ADGRF1: variants seen among roughly 807,000 people sequenced by gnomAD.
The protein encoded by ADGRF1 is G protein-coupled receptor 110.
A neutral mutation model predicts 87.2 loss-of-function variants in ADGRF1; 85 were observed. The observed-to-expected ratio is 0.97, with a 90% CI of 0.82 to 1.17. ADGRF1 has a LOEUF of 1.17. ADGRF1 is among the 50% of genes most tolerant of loss of function. The probability of loss-of-function intolerance (pLI) is 0.00; values close to 1 mark genes in which losing one functional copy is unlikely to be tolerated. For missense variants in ADGRF1, 1,169 were observed against 1,077.2 expected, an observed-to-expected ratio of 1.09 and a Z score of -1.19; for synonymous variants, 430 against 408.8, an observed-to-expected ratio of 1.05 and a Z score of -0.63.
intron 12 of ADGRF1, 138 bp from the exon 13 acceptor site, chr6:47,006,014 G>A (rs747705727): frequency 3.8e-6 from 2 of 530,230 alleles, no homozygotes; most frequent in South Asian, 2.9e-5. Context: ...ATGGATATCT[G>A]GTAGAAAGAT....
chr6:47,038,558 A>T (rs1780656369), intron 1 of ADGRF1, among the ~76,000 whole-genome samples: 1 of 152,194 alleles, frequency 6.6e-6, no homozygotes, highest in African/African-American at 2.4e-5. Flanking sequence ...TAGCATATCC[A>T]TCATCTCAAA....
chr6:47,029,946 T>C (rs1780360156), intron 1 of ADGRF1, among the ~76,000 whole-genome samples: 1 of 152,236 alleles, frequency 6.6e-6, no homozygotes, highest in Non-Finnish European at 1.5e-5. Context: ...TACCTTCTTC[T>C]GGCCTCTCAA....
chr6:47,029,095 T>C lies in ADGRF1; in HGVS notation c.-34A>G. ...GACTGAACAGCAGCAGTCGGGTGCATAGTCTGTGACTAAACAAGCAGGGTA... is the reference window on the plus strand; with the variant it reads ...GACTGAACAGCAGCAGTCGGGTGCACAGTCTGTGACTAAACAAGCAGGGTA... On this transcript the variant is annotated 5_prime_UTR_variant, in exon 2 of 15. It removes an upstream start codon present in the reference 5' UTR. Transcript: ENST00000371253. 1 of 1,574,376 alleles carries C rather than the reference T, an allele frequency of 6.4e-7. No individual in the cohort carries two copies. Among genetic ancestry groups the C allele is most frequent in the Non-Finnish European group, 8.7e-7 (1 of 1,143,738 alleles).
chr6:47,014,464 C>T, intron 9 of ADGRF1: 1 of 1,283,386 alleles, frequency 7.8e-7, no homozygotes, highest in Non-Finnish European at 9.9e-7. Flanking sequence ...AAACTATCAA[C>T]TCTGTCTTTT....
chr6:47,035,756 T>G (rs1315111918), intron 1 of ADGRF1, among the ~76,000 whole-genome samples: 1 of 152,212 alleles, frequency 6.6e-6, no homozygotes, highest in Admixed American at 6.5e-5. Context: ...TACAAACAAT[T>G]CTTTTCTCAG....
intron 4 of ADGRF1, among the ~76,000 whole-genome samples, chr6:47,025,373 G>A (rs1780198244): frequency 6.6e-6 from 1 of 152,174 alleles, no homozygotes; most frequent in African/African-American, 2.4e-5. Context: ...CATGCTTTAA[G>A]AATCACTGCT....
At chr6:47,032,014 G>A (rs1227324293) in intron 1 of ADGRF1, among the ~76,000 whole-genome samples, 4 of 152,118 alleles carry the variant, frequency 2.6e-5, no homozygotes, top group African/African-American at 7.2e-5. Context: ...GGCAGCCCAT[G>A]TGTATTATTA....
Position 47,009,887 on chromosome 6 carries a change from A to C in ADGRF1, c.1548T>G (p.Asn516Lys). 1 of 1,614,088 alleles carries C rather than the reference A, an allele frequency of 6.2e-7. No homozygotes were observed. Among genetic ancestry groups the C allele is most frequent in the South Asian group, 1.1e-5 (1 of 91,090 alleles). Residue 516 changes from asparagine to lysine, a missense_variant, in exon 11 of 15, where the codon AAT becomes AAG. Coordinates refer to ENST00000371253, the MANE Select transcript of ADGRF1 (RefSeq NM_153840.4). Reference protein sequence around the residue: ...ISTVIQNYSINEVFLFFSKIE... With the variant: ...ISTVIQNYSIKEVFLFFSKIE... ...TCTTGGAAAAAAATAGGAAAACTTCATTTATGGAATAGTTTTGAATAACCG... is the reference window on the plus strand; with the variant it reads ...TCTTGGAAAAAAATAGGAAAACTTCCTTTATGGAATAGTTTTGAATAACCG...
At chr6:47,027,311 G>A (rs3734653) in intron 3 of ADGRF1, among the ~76,000 whole-genome samples, 6,862 of 152,242 alleles carry the variant, frequency 0.045, 352 homozygotes, top group East Asian at 0.2. Context: ...AGACTGACCC[G>A]GGAACCTAAC....
intron 1 of ADGRF1, among the ~76,000 whole-genome samples, chr6:47,033,831 CAG>C (rs1367716742): frequency 6.6e-6 from 1 of 152,180 alleles, no homozygotes; most frequent in African/African-American, 2.4e-5. Flanking sequence ...TGAACAGAGA[CAG>C]AGGAGAAGAC....
intron 1 of ADGRF1, among the ~76,000 whole-genome samples, chr6:47,030,574 ATATG>A (rs1356835614): frequency 1.0e-5 from 1 of 99,330 alleles, no homozygotes; most frequent in African/African-American, 4.0e-5. Context: ...GATAACATGA[ATATG>A]TGTGTGTGTG....
Position 46,997,927 on chromosome 6 carries a change from C to T in ADGRF1, c.*2295G>A, listed in dbSNP as rs1056301322. 1 of 152,110 alleles carries T rather than the reference C, an allele frequency of 6.6e-6. No individual in the cohort carries two copies. The highest frequency in any genetic ancestry group is 1.5e-5 in the Non-Finnish European group (1 of 68,020). 9.4% of individuals were successfully genotyped at this position (152,110 alleles called of 1,614,324 possible). The stretch of plus-strand genomic sequence containing the variant: ...ACTCAGGTAAGAGCAACATTTTGGT[C>T]ATTTTAAATAGTTTGGTAATTATGA... On this transcript the variant is annotated 3_prime_UTR_variant, in exon 15 of 15. Transcript: ENST00000371253.
At chr6:47,041,448 A>G (rs1195077910) in intron 1 of ADGRF1, among the ~76,000 whole-genome samples, 1 of 152,172 alleles carries the variant, frequency 6.6e-6, no homozygotes, top group Non-Finnish European at 1.5e-5. Context: ...TTCTTTCTAT[A>G]TCTCCTTCGG....
chr6:47,005,541 G>A (rs1354324722), intron 13 of ADGRF1, among the ~76,000 whole-genome samples: 1 of 152,140 alleles, frequency 6.6e-6, no homozygotes, highest in Non-Finnish European at 1.5e-5. Context: ...AAATGCCATT[G>A]TTCAAAAGTA....
chr6:47,001,121 C>T (rs1211540114), intron 14 of ADGRF1, among the ~76,000 whole-genome samples: 1 of 152,232 alleles, frequency 6.6e-6, no homozygotes, highest in East Asian at 1.9e-4. Context: ...AGCACCTGGC[C>T]GCGTGCCCAC....
intron 14 of ADGRF1, 102 bp downstream of exon 14, chr6:47,001,399 C>T: frequency 1.1e-6 from 1 of 933,540 alleles, no homozygotes; most frequent in Admixed American, 2.4e-5. Context: ...TCCCACACTT[C>T]TCACATGAGT....
In ADGRF1 at chr6:47,009,032, C is replaced by T. The variant is rs1779611287; in HGVS notation, c.2403G>A (p.Gly801=). The change falls in exon 11 of 15, where the codon GGG becomes GGA. Residue 801 remains glycine (G), a synonymous_variant. Coordinates refer to ENST00000371253, the MANE Select transcript of ADGRF1 (RefSeq NM_153840.4). The stretch of plus-strand genomic sequence containing the variant: ...TTCCTATTCCAAAGCCCCAGGTGAG[C>T]CCTAGCAGAGGGGTCAGAATGAGGA... ...KSLLILTPLL[G]LTWGFGIGTI... The T allele has an allele frequency of 5.6e-6, 9 of 1,614,044 alleles. No homozygotes were observed. Among genetic ancestry groups the T allele is most frequent in the Non-Finnish European group, 6.8e-6 (8 of 1,179,996 alleles).
chr6:47,017,676 A>C (rs1199062890), intron 7 of ADGRF1: 1 of 150,576 alleles, frequency 6.6e-6, no homozygotes, highest in Non-Finnish European at 1.5e-5. Context: ...ATGCTGAGTG[A>C]AAGACGCCGA....
intron 7 of ADGRF1, chr6:47,020,516 A>T: frequency 1.3e-6 from 2 of 1,515,522 alleles, no homozygotes; most frequent in Non-Finnish European, 1.8e-6. Flanking sequence ...AAAAAAAAAA[A>T]ATTTAAGGTC....
Sources: allele counts gnomAD v4.1 joint callset (sites outside exome capture counted in the v4.1 genomes callset), GRCh38; gene constraint gnomAD v4.1.1; transcripts MANE v1.5; gene names NCBI Gene and HGNC (gene_info 2026-07-23, HGNC 2026-07-21).